Variants in NKAIN3 observed in about 807,000 individuals in gnomAD.
NKAIN3 encodes sodium/potassium transporting ATPase interacting 3, also known as sodium/potassium-transporting ATPase subunit beta-1-interacting protein 3.
A neutral mutation model predicts 30.2 loss-of-function variants in NKAIN3; 25 were observed. The observed-to-expected ratio is 0.83, with a 90% CI of 0.60 to 1.16. NKAIN3 has a LOEUF of 1.16. Among genes scored for constraint, NKAIN3 ranks in the 50% most tolerant of loss-of-function variants. NKAIN3 has a pLI of 0.00. For missense variants in NKAIN3, 225 were observed against 254.1 expected, an observed-to-expected ratio of 0.89 and a Z score of 0.78; for synonymous variants, 91 against 89.6, an observed-to-expected ratio of 1.02 and a Z score of -0.09.
chr8:62,549,407 A>G (rs990535771), intron 1 of NKAIN3, among the ~76,000 whole-genome samples: 1 of 152,080 alleles, frequency 6.6e-6, no homozygotes, highest in Non-Finnish European at 1.5e-5. Flanking sequence ...TTTCCTTGTC[A>G]TACTGTGTAA....
intron 3 of NKAIN3, among the ~76,000 whole-genome samples, chr8:62,688,827 C>G (rs1163927421): frequency 6.6e-6 from 1 of 152,032 alleles, no homozygotes; most frequent in Non-Finnish European, 1.5e-5. Context: ...AGAATAAACA[C>G]TCCAAAGTCT....
intron 1 of NKAIN3, among the ~76,000 whole-genome samples, chr8:62,439,763 G>A (rs1433216982): frequency 1.3e-5 from 2 of 152,168 alleles, no homozygotes; most frequent in African/African-American, 2.4e-5. Flanking sequence ...AACAACCATT[G>A]CCACTGAACA....
At chr8:62,752,320 A>G (rs1816308247) in intron 4 of NKAIN3, among the ~76,000 whole-genome samples, 2 of 152,192 alleles carry the variant, frequency 1.3e-5, no homozygotes, top group Admixed American at 1.3e-4. Flanking sequence ...TATCCTATTT[A>G]GGCTGGTCCG....
At chr8:62,693,137 G>A (rs1463802794) in intron 3 of NKAIN3, among the ~76,000 whole-genome samples, 4 of 152,168 alleles carry the variant, frequency 2.6e-5, no homozygotes, top group Admixed American at 2.6e-4. Flanking sequence ...CTATTTATGA[G>A]CTGTGGCTGT....
intron 6 of NKAIN3, among the ~76,000 whole-genome samples, chr8:62,959,453 T>TGTGTGTGTGA (rs1823508662): frequency 6.6e-6 from 1 of 151,610 alleles, no homozygotes; most frequent in Non-Finnish European, 1.5e-5. Context: ...TGTGTGTGTG[T>TGTGTGTGTGA]GTGTGTGTGT....
chr8:62,855,058 T>C (rs1464743905), intron 4 of NKAIN3: 1 of 151,328 alleles, frequency 6.6e-6, no homozygotes, highest in African/African-American at 2.4e-5. Context: ...TTTTATTTTT[T>C]GTTTTTTTGT....
intron 1 of NKAIN3, among the ~76,000 whole-genome samples, chr8:62,504,197 G>A (rs766107221): frequency 1.3e-5 from 2 of 152,046 alleles, no homozygotes; most frequent in African/African-American, 2.4e-5. Context: ...TGAATCTGAG[G>A]TGGAACAGTT....
chr8:62,644,100 C>A (rs546993525), intron 3 of NKAIN3, among the ~76,000 whole-genome samples: 12 of 152,140 alleles, frequency 7.9e-5, no homozygotes, highest in African/African-American at 2.4e-4. Flanking sequence ...CTTTATGAAA[C>A]CACTTCAGGC....
intron 1 of NKAIN3, among the ~76,000 whole-genome samples, chr8:62,334,005 A>G (rs1815445315): frequency 6.6e-6 from 1 of 152,094 alleles, no homozygotes; most frequent in South Asian, 2.1e-4. Flanking sequence ...CAGCATATAA[A>G]AGAGTATTGG....
chr8:62,849,351 A>G (rs114534972), intron 4 of NKAIN3, among the ~76,000 whole-genome samples: 1,525 of 138,442 alleles, frequency 0.011, 28 homozygotes, highest in African/African-American at 0.039. Context: ...CAATTTCAGA[A>G]CTCTCTATTG....
chr8:62,331,996 C>T (rs529703107), intron 1 of NKAIN3, among the ~76,000 whole-genome samples: 1 of 152,186 alleles, frequency 6.6e-6, no homozygotes, highest in East Asian at 1.9e-4. Context: ...GATCTGAATT[C>T]AAAGGGAACA....
rs143023596 is a variant in NKAIN3 at position 62,471,940 on chromosome 8, CAG to C, written c.55-107596_55-107595del. ...CTCCAGCTTGCTCCAGCCTGGGTGT[CAG>C]AGCAAGGCAAGACCCTATCTCAAAC... On this transcript the variant is annotated intron_variant, in intron 1 of 6. Coordinates refer to ENST00000623646, the MANE Select transcript of NKAIN3 (RefSeq NM_001304533.3). Among the ~76,000 whole-genome samples the C allele has an allele frequency of 5.2e-4, 78 of 151,078 alleles. No homozygotes were observed. The East Asian group carries it at 0.014, about 26-fold the overall frequency.
chr8:62,661,881 C>A (rs1264367025), intron 3 of NKAIN3, among the ~76,000 whole-genome samples: 1 of 152,100 alleles, frequency 6.6e-6, no homozygotes, highest in East Asian at 1.9e-4. Flanking sequence ...TCCTGGGAGC[C>A]CAGCACCTTC....
At chr8:62,606,181 A>G (rs1428679729) in intron 3 of NKAIN3, among the ~76,000 whole-genome samples, 1 of 152,190 alleles carries the variant, frequency 6.6e-6, no homozygotes, top group East Asian at 1.9e-4. Flanking sequence ...ACCTCCAAGG[A>G]TTACATGGAT....
chr8:62,833,443 A>T (rs1016898102), intron 4 of NKAIN3, among the ~76,000 whole-genome samples: 1 of 151,980 alleles, frequency 6.6e-6, no homozygotes, highest in Non-Finnish European at 1.5e-5. Context: ...TTAACAAAGA[A>T]AAAAAGAAAG....
intron 1 of NKAIN3, among the ~76,000 whole-genome samples, chr8:62,435,629 G>C (rs115695392): frequency 0.013 from 1,967 of 152,098 alleles, 40 homozygotes; most frequent in African/African-American, 0.045. Context: ...GGAGTTCCAA[G>C]ATAAATTTTA....
In NKAIN3 at chr8:62,863,872, C is replaced by T. The variant is rs966839363; in HGVS notation, c.472-54581C>T. 123 of 1,506,218 alleles carry T rather than the reference C, an allele frequency of 8.2e-5. No homozygotes were observed. In the Middle Eastern group the frequency reaches 9.0e-4, roughly 11 times the overall value. 93.3% of individuals were successfully genotyped at this position (1,506,218 alleles called of 1,614,324 possible). On this transcript the variant is annotated intron_variant, in intron 4 of 6. Transcript: ENST00000623646. Reference sequence around the variant, plus strand: ...GATGATAGCCACCTTTGCAGTAGTCCGCAGGGTCCTCTTGCTCATCATCTG... The same window carrying T: ...GATGATAGCCACCTTTGCAGTAGTCTGCAGGGTCCTCTTGCTCATCATCTG...
In NKAIN3 at chr8:62,906,200, C is replaced by A. The variant is rs375096340; in HGVS notation, c.472-12253C>A. ...AAAGTCCTCTGTTTCTGACCCAGCA[C>A]CCATGGAACAGTAATAGACTAATTT... On this transcript the variant is annotated intron_variant, in intron 4 of 6. Coordinates refer to ENST00000623646, the MANE Select transcript of NKAIN3 (RefSeq NM_001304533.3). Among the ~76,000 whole-genome samples the A allele has an allele frequency of 2.6e-3, 394 of 152,262 alleles. 2 individuals carry two copies. Among genetic ancestry groups the A allele is most frequent in the African/African-American group, 9.1e-3 (379 of 41,560 alleles).
intron 4 of NKAIN3, among the ~76,000 whole-genome samples, chr8:62,908,741 G>A (rs62508063): frequency 0.021 from 3,231 of 152,286 alleles, 48 homozygotes; most frequent in Non-Finnish European, 0.033. Flanking sequence ...GGAGCTGTGA[G>A]TCCATTAAAC....
Sources: allele counts gnomAD v4.1 joint callset (sites outside exome capture counted in the v4.1 genomes callset), GRCh38; gene constraint gnomAD v4.1.1; transcripts MANE v1.5; gene names NCBI Gene and HGNC (gene_info 2026-07-23, HGNC 2026-07-21).